The following RCC1L variants were observed in gnomAD, a reference collection of about 807,000 sequenced individuals.
RCC1L encodes RCC1 like.
Under a neutral mutation model 58.6 loss-of-function variants are expected in RCC1L, and 46 were observed. The ratio of observed to expected loss-of-function variants is 0.79; its 90% confidence interval spans 0.62 to 1.00. The LOEUF (loss-of-function observed/expected upper bound fraction) is 1.00. Ranked by LOEUF, RCC1L falls within the 50% of genes least tolerant of loss-of-function variation. The pLI is 0.00. For missense variants in RCC1L, 636 were observed against 623.6 expected, an observed-to-expected ratio of 1.02 and a Z score of -0.21; for synonymous variants, 281 against 262.9, an observed-to-expected ratio of 1.07 and a Z score of -0.67.
intron 10 of RCC1L, among the ~76,000 whole-genome samples, chr7:75,044,353 C>T (rs1416112212): frequency 1.3e-5 from 2 of 152,158 alleles, no homozygotes; most frequent in Non-Finnish European, 2.9e-5. Context: ...GTAATCCCAG[C>T]ACTTTGGGAG....
At chr7:75,070,327 T>C (rs1283440408) in intron 2 of RCC1L, among the ~76,000 whole-genome samples, 1 of 152,098 alleles carries the variant, frequency 6.6e-6, no homozygotes, top group Non-Finnish European at 1.5e-5. Context: ...TCACAGCACT[T>C]TGGGAGGCTG....
chr7:75,070,139 T>C (rs1390146627), intron 2 of RCC1L, among the ~76,000 whole-genome samples: 2 of 152,218 alleles, frequency 1.3e-5, no homozygotes, highest in Non-Finnish European at 2.9e-5. Context: ...TGCCAGGTGC[T>C]TGCCTTTTGC....
chr7:75,033,929 T>C (rs1805374863), intron 10 of RCC1L, among the ~76,000 whole-genome samples: 1 of 152,186 alleles, frequency 6.6e-6, no homozygotes, highest in African/African-American at 2.4e-5. Flanking sequence ...GGGCGTCATC[T>C]TTGGTCACTT....
At chr7:75,056,098 T>C (rs1806071313) in intron 8 of RCC1L, 24 bp from the exon 9 acceptor site, 2 of 1,613,418 alleles carry the variant, frequency 1.2e-6, no homozygotes, top group Non-Finnish European at 1.7e-6. Context: ...AAAACAAGGG[T>C]CAGTAAGTCC....
At chr7:75,041,214 A>ATAAC (rs71098027), downstream of RCC1L, among the ~76,000 whole-genome samples, 81,235 of 149,690 alleles carry the variant, frequency 0.54, 23,334 homozygotes, top group East Asian at 0.83. Flanking sequence ...ACTCCATCTC[A>ATAAC]TAACTAACTA....
At chr7:75,027,249 G>T (rs1260986241) in exon 11 of RCC1L, 1 of 152,352 alleles carries the variant, frequency 6.6e-6, no homozygotes, top group Non-Finnish European at 1.5e-5. Context: ...TGGGACGTGG[G>T]AAGGGTGCTG....
At chr7:75,029,778 G>T (rs1425253848) in intron 10 of RCC1L, among the ~76,000 whole-genome samples, 1 of 152,222 alleles carries the variant, frequency 6.6e-6, no homozygotes, top group Non-Finnish European at 1.5e-5. Context: ...GGCAGAGCCT[G>T]AGTGAGGCCG....
intron 10 of RCC1L, among the ~76,000 whole-genome samples, chr7:75,032,731 T>C (rs912755267): frequency 3.9e-5 from 6 of 152,108 alleles, no homozygotes; most frequent in Non-Finnish European, 8.8e-5. Context: ...GAGAAGCTTT[T>C]ATGCCTGGGG....
At chr7:75,051,836 C>T (rs1033296363) in intron 10 of RCC1L, among the ~76,000 whole-genome samples, 79 of 152,238 alleles carry the variant, frequency 5.2e-4, no homozygotes, top group African/African-American at 1.8e-3. Flanking sequence ...ACACAAAGCA[C>T]GCATGCACAC....
chr7:75,035,551 A>G (rs1805416045), intron 10 of RCC1L, among the ~76,000 whole-genome samples: 1 of 152,200 alleles, frequency 6.6e-6, no homozygotes. Flanking sequence ...AAAATTGAAA[A>G]CTTATGTTCA....
chr7:75,039,528 CGAA>C (rs1293300831), downstream of RCC1L, among the ~76,000 whole-genome samples: 6 of 152,146 alleles, frequency 3.9e-5, no homozygotes, highest in East Asian at 5.8e-4. Flanking sequence ...ATCTCTTCCC[CGAA>C]GAAATTAGTG....
intron 9 of RCC1L, among the ~76,000 whole-genome samples, chr7:75,054,335 A>G (rs1460898892): frequency 2.0e-5 from 3 of 152,182 alleles, no homozygotes; most frequent in Non-Finnish European, 4.4e-5. Flanking sequence ...GAAGACAGCT[A>G]GGCTCTGTCT....
chr7:75,030,995 C>G (rs1470135757), intron 10 of RCC1L, among the ~76,000 whole-genome samples: 1 of 152,206 alleles, frequency 6.6e-6, no homozygotes, highest in African/African-American at 2.4e-5. Flanking sequence ...AGGCCAAGTT[C>G]AGGTCCCAAG....
intron 10 of RCC1L, 47 bp from the exon 11 acceptor site, chr7:75,043,156 G>T: frequency 6.2e-7 from 1 of 1,604,634 alleles, no homozygotes; most frequent in Non-Finnish European, 8.5e-7. Context: ...GGCGCACCCG[G>T]AGGAGACAGG....
chr7:75,058,667 G>A lies in RCC1L; in HGVS notation c.890C>T (p.Ala297Val), dbSNP rs1554444222. 2 of 1,613,948 alleles carry A rather than the reference G, an allele frequency of 1.2e-6. No individual in the cohort carries two copies. Among genetic ancestry groups the A allele is most frequent in the South Asian group, 1.1e-5 (1 of 91,070 alleles). Residue 297 changes from alanine (A) to valine (V), a missense_variant, in exon 7 of 11, where the codon GCC (alanine) becomes GTC (valine). By Grantham distance (64) the Ala-to-Val change is moderately conservative. Coordinates refer to ENST00000610322, the MANE Select transcript of RCC1L (RefSeq NM_030798.5). ...QVATYGDCCL[A>V]VSADGGLFGW... ...AAAAAGTCCTCCGTCGGCGGACACG[G>A]CCAGGCAGCAATCACCGTAGGTGGC...
In RCC1L at chr7:75,050,067, C is replaced by T. The variant is rs587651651; in HGVS notation, c.1317+2644G>A. On this transcript the variant is annotated intron_variant, in intron 10 of 10. Transcript: ENST00000610322. ...AGGACAATGGTTTGGCGCCAAATGC[C>T]GCCGTCACGGGGACAGGCTGGGGTG... Among the ~76,000 whole-genome samples, 437 of 152,248 alleles carry T rather than the reference C, an allele frequency of 2.9e-3. 3 individuals carry two copies. The highest frequency in any genetic ancestry group is 9.8e-3 in the African/African-American group (409 of 41,530).
At chr7:75,064,492 A>C in intron 4 of RCC1L, 90 bp downstream of exon 4, 2 of 1,464,850 alleles carry the variant, frequency 1.4e-6, no homozygotes, top group South Asian at 2.3e-5. Context: ...CATGCCTCTG[A>C]CCGCCCCGCG....
Position 75,042,635 on chromosome 7 carries a change from C to A in RCC1L, c.*397G>T. Reference sequence around the variant, plus strand: ...TCCGAGGCACACGCATGGCCTTGGCCAGACACAAACCAAGAGACTGCCATG... The same window carrying A: ...TCCGAGGCACACGCATGGCCTTGGCAAGACACAAACCAAGAGACTGCCATG... On this transcript the variant is annotated 3_prime_UTR_variant, in exon 11 of 11. Transcript: ENST00000610322. 1 of 1,070,918 alleles carries A rather than the reference C, an allele frequency of 9.3e-7. No individual in the cohort carries two copies. The highest frequency in any genetic ancestry group is 1.1e-6 in the Non-Finnish European group (1 of 881,228). The allele number at this position is 1,070,918 out of a possible 1,614,324, so 66.3% of individuals were successfully genotyped here. A position where few individuals can be genotyped will look rare whatever the true frequency, so the allele number is the denominator to read the frequency against.
chr7:75,051,133 A>T (rs1210676448), intron 10 of RCC1L, among the ~76,000 whole-genome samples: 1 of 150,276 alleles, frequency 6.7e-6, no homozygotes, highest in Non-Finnish European at 1.5e-5. Flanking sequence ...TAAAGTCTCC[A>T]TTTCAACTTG....
Sources: allele counts gnomAD v4.1 joint callset (sites outside exome capture counted in the v4.1 genomes callset), GRCh38; gene constraint gnomAD v4.1.1; transcripts MANE v1.5; gene names NCBI Gene and HGNC (gene_info 2026-07-23, HGNC 2026-07-21).